The following NELL1 variants were observed in gnomAD, a reference collection of about 807,000 sequenced individuals.
The protein encoded by NELL1 is neural EGFL like 1, also known as protein kinase C-binding protein NELL1.
A neutral mutation model predicts 107.4 loss-of-function variants in NELL1; 76 were observed. The ratio of observed to expected loss-of-function variants is 0.71; its 90% CI spans 0.59 to 0.86. The LOEUF (loss-of-function observed/expected upper bound fraction) is 0.86. NELL1 is among the 40% of genes least tolerant of loss of function. NELL1 has a pLI of 0.00. For synonymous variants in NELL1, 353 were observed against 341.2 expected (o/e 1.03, Z -0.38); for missense variants, 1,024 against 1,005.5 (o/e 1.02, Z -0.25).
intron 2 of NELL1, among the ~76,000 whole-genome samples, chr11:20,690,994 T>C (rs1854450531): frequency 6.6e-6 from 1 of 152,112 alleles, no homozygotes; most frequent in Non-Finnish European, 1.5e-5. Flanking sequence ...GAAGAGGTCC[T>C]TCACGTCCCT....
intron 16 of NELL1, among the ~76,000 whole-genome samples, chr11:21,544,522 G>A (rs1455658580): frequency 4.0e-5 from 6 of 151,828 alleles, no homozygotes; most frequent in Non-Finnish European, 8.8e-5. Flanking sequence ...AAGGGTTTAG[G>A]TATTTTATAG....
At chr11:21,508,556 G>A (rs554133127) in intron 15 of NELL1, among the ~76,000 whole-genome samples, 24 of 151,938 alleles carry the variant, frequency 1.6e-4, no homozygotes, top group African/African-American at 4.8e-4. Flanking sequence ...AAAGTCAATC[G>A]GAAAATTACA....
intron 12 of NELL1, among the ~76,000 whole-genome samples, chr11:21,078,038 T>C (rs2134389897): frequency 6.6e-6 from 1 of 152,202 alleles, no homozygotes; most frequent in Non-Finnish European, 1.5e-5. Flanking sequence ...TAATAGAGTG[T>C]TACACCTAAT....
chr11:21,062,772 C>A (rs1853772577), intron 12 of NELL1, among the ~76,000 whole-genome samples: 1 of 152,082 alleles, frequency 6.6e-6, no homozygotes, highest in Non-Finnish European at 1.5e-5. Flanking sequence ...AGAATTCAGG[C>A]AAGTTCTACA....
intron 13 of NELL1, among the ~76,000 whole-genome samples, chr11:21,124,689 C>T (rs950523165): frequency 6.6e-6 from 1 of 151,760 alleles, no homozygotes; most frequent in Non-Finnish European, 1.5e-5. Flanking sequence ...GCAACCTCCA[C>T]CTTCCGGGTT....
chr11:21,297,681 C>A (rs1193882243), intron 14 of NELL1, among the ~76,000 whole-genome samples: 3 of 151,998 alleles, frequency 2.0e-5, no homozygotes. Context: ...GAGACTGCAG[C>A]TCTGAAAATT....
At chr11:20,918,037 C>G in intron 5 of NELL1, 145 bp from the exon 6 acceptor site, 1 of 626,696 alleles carries the variant, frequency 1.6e-6, no homozygotes, top group Non-Finnish European at 2.9e-6. Flanking sequence ...TAGAGTAGTT[C>G]AGTATATACT....
intron 15 of NELL1, among the ~76,000 whole-genome samples, chr11:21,510,046 T>C (rs985765195): frequency 6.6e-6 from 1 of 152,148 alleles, no homozygotes; most frequent in African/African-American, 2.4e-5. Flanking sequence ...CTCACTGAAA[T>C]ACCTGGGGGC....
At chr11:21,274,274 T>G (rs1052665564) in intron 14 of NELL1, among the ~76,000 whole-genome samples, 7 of 152,116 alleles carry the variant, frequency 4.6e-5, no homozygotes, top group Admixed American at 4.6e-4. Flanking sequence ...TAAAACAGAC[T>G]TTAAACCAAG....
chr11:21,350,054 G>A (rs1850770763), intron 14 of NELL1, among the ~76,000 whole-genome samples: 1 of 152,044 alleles, frequency 6.6e-6, no homozygotes, highest in African/African-American at 2.4e-5. Flanking sequence ...AGTCATGCTT[G>A]GGAGGCTTCA....
intron 15 of NELL1, among the ~76,000 whole-genome samples, chr11:21,468,811 T>C (rs1854099070): frequency 6.6e-6 from 1 of 152,028 alleles, no homozygotes; most frequent in Non-Finnish European, 1.5e-5. Flanking sequence ...ACAGGTTCTT[T>C]ATTGCCTTTC....
chr11:21,529,554 T>G lies in NELL1; in HGVS notation c.1646-4820T>G, dbSNP rs545261982. On this transcript the variant is annotated intron_variant, in intron 15 of 19. Coordinates refer to ENST00000357134, the MANE Select transcript of NELL1 (RefSeq NM_006157.5). ...CTTCCTTAAACTTATGTGAAGTTTT[T>G]TGGTGACCAAGAGAATCTAAATCTT... Among the ~76,000 whole-genome samples, 6 of 152,144 alleles carry G rather than the reference T, an allele frequency of 3.9e-5. No homozygotes were observed. The South Asian group carries it at 1.2e-3, about 32-fold the overall frequency.
At chr11:21,436,119 T>C (rs1853113401) in intron 15 of NELL1, among the ~76,000 whole-genome samples, 1 of 152,166 alleles carries the variant, frequency 6.6e-6, no homozygotes, top group Non-Finnish European at 1.5e-5. Context: ...TACAGTGGCA[T>C]GATCCTGGCT....
chr11:21,479,003 C>A (rs188398017), intron 15 of NELL1, among the ~76,000 whole-genome samples: 50 of 152,222 alleles, frequency 3.3e-4, no homozygotes, highest in Non-Finnish European at 5.4e-4. Context: ...CATCTCACCC[C>A]AGTTAAATGG....
chr11:20,869,117 G>A (rs764833226), intron 4 of NELL1, among the ~76,000 whole-genome samples: 2 of 152,182 alleles, frequency 1.3e-5, no homozygotes, highest in Non-Finnish European at 2.9e-5. Context: ...GTGAAGTGGA[G>A]AGGCTCATAA....
chr11:21,085,550 C>T (rs1854370477), intron 12 of NELL1, among the ~76,000 whole-genome samples: 1 of 152,070 alleles, frequency 6.6e-6, no homozygotes, highest in South Asian at 2.1e-4. Flanking sequence ...GTAGGAAGAT[C>T]ACTTGAGCCC....
intron 2 of NELL1, among the ~76,000 whole-genome samples, chr11:20,747,344 G>C (rs1478620652): frequency 6.6e-6 from 1 of 152,110 alleles, no homozygotes; most frequent in Non-Finnish European, 1.5e-5. Context: ...AACATGTCTT[G>C]GTCAGCAAGA....
intron 2 of NELL1, among the ~76,000 whole-genome samples, chr11:20,728,112 G>A (rs1855550300): frequency 6.6e-6 from 1 of 152,000 alleles, no homozygotes; most frequent in Non-Finnish European, 1.5e-5. Flanking sequence ...TCTTTTCGAG[G>A]AGTGTTTGTT....
intron 2 of NELL1, among the ~76,000 whole-genome samples, chr11:20,756,268 G>A (rs949790867): frequency 1.3e-5 from 2 of 152,154 alleles, no homozygotes; most frequent in African/African-American, 4.8e-5. Context: ...GGGACATAAT[G>A]TCCAGATCAT....
Sources: gnomAD v4.1 joint callset for allele counts (sites outside exome capture counted in the v4.1 genomes callset) on GRCh38, gnomAD v4.1.1 for gene constraint, MANE v1.5 for transcripts, NCBI Gene and HGNC (gene_info 2026-07-23, HGNC 2026-07-21) for gene names.